TXLNB: variants seen among roughly 807,000 people sequenced by gnomAD.
TXLNB encodes taxilin beta.
TXLNB carries 37 observed loss-of-function variants against 57.4 expected under a neutral mutation model. The observed-to-expected ratio is 0.64, with a 90% CI of 0.50 to 0.85. TXLNB has a LOEUF of 0.85. TXLNB is among the 40% of genes least tolerant of loss of function. The probability of loss-of-function intolerance (pLI) is 0.00; values close to 1 mark genes in which losing one functional copy is unlikely to be tolerated. For synonymous variants in TXLNB, 302 were observed against 309.6 expected, an observed-to-expected ratio of 0.98 and a Z score of 0.26; for missense variants, 848 against 825.6, an observed-to-expected ratio of 1.03 and a Z score of -0.33.
the TXLNB span, among the ~76,000 whole-genome samples, chr6:139,202,563 G>A: frequency 1.3e-4 from 19 of 151,922 alleles, no homozygotes; most frequent in African/African-American, 2.7e-4. Context: ...TATTTTTCTC[G>A]TAAATCTTTT....
the TXLNB span, among the ~76,000 whole-genome samples, chr6:139,195,088 G>C: frequency 6.6e-6 from 1 of 152,142 alleles, no homozygotes; most frequent in Non-Finnish European, 1.5e-5. Context: ...CCTTCAGGGA[G>C]AATTTGTTTC....
the TXLNB span, among the ~76,000 whole-genome samples, chr6:139,314,085 A>C: frequency 6.6e-6 from 1 of 152,214 alleles, no homozygotes; most frequent in East Asian, 1.9e-4. Context: ...AAAGAAATCA[A>C]AGCATTTTAC....
intron 2 of TXLNB, among the ~76,000 whole-genome samples, chr6:139,285,257 AACACACAC>A (rs57409101): frequency 0.11 from 13,190 of 119,830 alleles, 1,737 homozygotes; most frequent in Non-Finnish European, 0.14. Context: ...CTTTCCCCTC[AACACACAC>A]ACACACACAC....
chr6:139,284,296 G>A lies in TXLNB; in HGVS notation c.424+4180C>T, dbSNP rs534733179. On this transcript the variant is annotated intron_variant, in intron 2 of 9. Transcript: ENST00000358430. ...TGTAATCCCAGCACTTTGGGAGGCC[G>A]AGGCGGGTGGATCATGAGGTCAGGA... 2.2e-3 allele frequency among the ~76,000 whole-genome samples: 324 copies of A among 144,688 alleles called. 36 individuals carry two copies. The highest frequency in any genetic ancestry group is 7.9e-3 in the African/African-American group (311 of 39,296). The allele number at this position is 144,688 out of a possible 152,430, so 94.9% of individuals were successfully genotyped here.
chr6:139,242,578 G>C lies in TXLNB; in HGVS notation c.2003C>G (p.Ala668Gly), dbSNP rs141490254. 1.9e-5 allele frequency: 29 copies of C among 1,531,952 alleles called. No individual in the cohort carries two copies. In the African/African-American group the frequency reaches 3.9e-4, roughly 21 times the overall value. 94.9% of individuals were successfully genotyped at this position (1,531,952 alleles called of 1,614,324 possible). Reference sequence around the variant, plus strand: ...AGCCACGTTGCGCGGCTGGGGCCCAGCTGAGGCCCCTACTGGCAGCTCCTC... The same window carrying C: ...AGCCACGTTGCGCGGCTGGGGCCCACCTGAGGCCCCTACTGGCAGCTCCTC... ...AAEELPVGAS[A>G]GPQPRNVADT... Residue 668 changes from alanine to glycine, a missense_variant, in exon 10 of 10, where the codon GCT (alanine) becomes GGT (glycine). Physicochemically the swap from Ala to Gly is moderately conservative, Grantham distance 60. Transcript: ENST00000358430.
chr6:139,288,953 CT>C, intron 1 of TXLNB, 40 bp from the exon 2 acceptor site: 1 of 1,411,912 alleles, frequency 7.1e-7, no homozygotes, highest in South Asian at 1.2e-5. Context: ...AGCTAACCTA[CT>C]TGCTACATAT....
the TXLNB span, among the ~76,000 whole-genome samples, chr6:139,227,540 A>C: frequency 6.6e-6 from 1 of 152,208 alleles, no homozygotes; most frequent in Non-Finnish European, 1.5e-5. Context: ...TGAAATAGAC[A>C]CATGTCATAT....
At chr6:139,236,802 C>T (rs772026130), downstream of TXLNB, among the ~76,000 whole-genome samples, 5 of 152,100 alleles carry the variant, frequency 3.3e-5, no homozygotes, top group African/African-American at 4.8e-5. Flanking sequence ...TGGGATTTTG[C>T]CATGTTGCTC....
Position 139,288,779 on chromosome 6 carries a change from G to C in TXLNB, c.121C>G (p.Pro41Ala). The change falls in exon 2 of 10, where the codon CCA becomes GCA. Residue 41 changes from proline (P) to alanine (A), a missense_variant. Transcript: ENST00000358430. ...GCCTCTTTCTCTGGTGGTTGGACTG[G>C]GGTTGGAGAATCCTGGCCATCTTCC... is the stretch of plus-strand genomic sequence containing the variant. ...EKEDGQDSPT[P>A]VQPPEKEASV... 1 of 1,614,188 alleles carries C rather than the reference G, an allele frequency of 6.2e-7. No homozygotes were observed. Among genetic ancestry groups the C allele is most frequent in the African/African-American group, 1.3e-5 (1 of 75,046 alleles).
At chr6:139,245,723 C>G (rs1261491558) in intron 8 of TXLNB, among the ~76,000 whole-genome samples, 1 of 152,068 alleles carries the variant, frequency 6.6e-6, no homozygotes, top group African/African-American at 2.4e-5. Context: ...GTTTGTTTTT[C>G]ACTCTTTTGC....
At chr6:139,230,011 T>C in the TXLNB span, among the ~76,000 whole-genome samples, 18 of 152,248 alleles carry the variant, frequency 1.2e-4, no homozygotes, top group Admixed American at 2.0e-4. Flanking sequence ...CCTTGGCTTT[T>C]ATTTATGTTT....
At chr6:139,323,287 T>G in the TXLNB span, among the ~76,000 whole-genome samples, 4 of 151,080 alleles carry the variant, frequency 2.6e-5, no homozygotes, top group East Asian at 3.9e-4. Flanking sequence ...GTTTAGTTTT[T>G]TTTTTTTTTT....
chr6:139,280,747 C>T (rs1327061272), intron 2 of TXLNB, among the ~76,000 whole-genome samples: 1 of 152,164 alleles, frequency 6.6e-6, no homozygotes, highest in African/African-American at 2.4e-5. Flanking sequence ...AACCACCTTC[C>T]TGATTTCCAT....
rs1335874450 is a variant in TXLNB at position 139,242,807 on chromosome 6, C to T, written c.1774G>A (p.Gly592Ser). ...AGLGAETQCE[G>S]LPVGAQADQA... ...TCAGCCTGTGCTCCAACAGGGAGAC[C>T]CTCGCATTGGGTTTCTGCTCCCAAC... Residue 592 changes from glycine (G) to serine (S), a missense_variant, in exon 10 of 10, where the codon GGT (glycine) becomes AGT (serine). By Grantham distance (56) the Gly-to-Ser change is moderately conservative. Transcript: ENST00000358430. 3 of 1,614,088 alleles carry T rather than the reference C, an allele frequency of 1.9e-6. No homozygotes were observed. Among genetic ancestry groups the T allele is most frequent in the East Asian group, 2.2e-5 (1 of 44,872 alleles).
chr6:139,206,904 T>A, the TXLNB span, among the ~76,000 whole-genome samples: 1 of 152,068 alleles, frequency 6.6e-6, no homozygotes, highest in African/African-American at 2.4e-5. Context: ...AAGAAGGACA[T>A]TATATAGTGA....
At position 139,291,184 on chromosome 6, in the gene TXLNB, G is replaced by C. The variant is rs149469245; in HGVS notation, c.-15+737C>G. Among the ~76,000 whole-genome samples, 24 of 152,308 alleles carry C rather than the reference G, an allele frequency of 1.6e-4. No individual in the cohort carries two copies. In the East Asian group the frequency reaches 3.7e-3, roughly 23 times the overall value. The stretch of plus-strand genomic sequence containing the variant: ...GCTGTCCAGCCAGAAGTTATTTTAA[G>C]CTATTCTAAAATGAGTCATGCCGTT... On this transcript the variant is annotated intron_variant, in intron 1 of 9. Coordinates refer to ENST00000358430, the MANE Select transcript of TXLNB (RefSeq NM_153235.4).
At chr6:139,193,840 A>ATATATAT in the TXLNB span, among the ~76,000 whole-genome samples, 8 of 85,226 alleles carry the variant, frequency 9.4e-5, no homozygotes, top group Admixed American at 7.8e-4. Context: ...ATATATATAT[A>ATATATAT]TTTTTTTTTT....
chr6:139,241,225 C>T lies in TXLNB; in HGVS notation c.*1301G>A, dbSNP rs1775925789. The T allele has an allele frequency of 6.6e-6, 1 of 152,010 alleles. No individual in the cohort carries two copies. The highest frequency in any genetic ancestry group is 2.4e-5 in the African/African-American group (1 of 41,360). The allele number at this position is 152,010 out of a possible 1,614,324, so 9.4% of individuals were successfully genotyped here. A position where few individuals can be genotyped will look rare whatever the true frequency, so the allele number is the denominator to read the frequency against. ...TGGTTTTTTTGTTTTGTACTTCTGG[C>T]CTAAAGAGAAATCCTCATGGCAGAA... On this transcript the variant is annotated 3_prime_UTR_variant, in exon 10 of 10. Coordinates refer to ENST00000358430, the MANE Select transcript of TXLNB (RefSeq NM_153235.4).
the TXLNB span, among the ~76,000 whole-genome samples, chr6:139,205,797 G>C: frequency 2.2e-4 from 34 of 152,280 alleles, no homozygotes; most frequent in South Asian, 7.0e-3. Context: ...GGCTTTGCTA[G>C]GAATCTAGAC....
Sources: gnomAD v4.1 joint callset for allele counts (sites outside exome capture counted in the v4.1 genomes callset) on GRCh38, gnomAD v4.1.1 for gene constraint, MANE v1.5 for transcripts, NCBI Gene and HGNC (gene_info 2026-07-23, HGNC 2026-07-21) for gene names.